GRM8: variants seen among roughly 807,000 people sequenced by gnomAD.
GRM8 encodes metabotropic glutamate receptor 8.
In GRM8, 47 loss-of-function variants were observed where a neutral mutation model predicts 87.2. The observed-to-expected ratio is 0.54, with a 90% CI of 0.43 to 0.69. GRM8 has a LOEUF of 0.69. GRM8 is among the 30% of genes least tolerant of loss of function. The probability of loss-of-function intolerance (pLI) is 0.00; values close to 1 mark genes in which losing one functional copy is unlikely to be tolerated. For missense variants in GRM8, 1,019 were observed against 1,139.2 expected (o/e 0.89, Z 1.52); for synonymous variants, 396 against 404.5 (o/e 0.98, Z 0.25).
chr7:126,804,982 C>T (rs1361746731), intron 6 of GRM8, among the ~76,000 whole-genome samples: 1 of 152,306 alleles, frequency 6.6e-6, no homozygotes, highest in African/African-American at 2.4e-5. Flanking sequence ...GGTCCTCTTA[C>T]CACTCAATAT....
rs191352805 is a variant in GRM8, at chr7:127,032,225, A to G, written c.727+74271T>C. Among the ~76,000 whole-genome samples the G allele has an allele frequency of 1.8e-3, 277 of 152,234 alleles. 3 individuals carry two copies. The highest frequency in any genetic ancestry group is 2.4e-3 in the Non-Finnish European group (163 of 68,002). On this transcript the variant is annotated intron_variant, in intron 3 of 10. Coordinates refer to ENST00000339582, the MANE Select transcript of GRM8 (RefSeq NM_000845.3). ...TGTTCTCTTTGTGAGGCCCAGTGAC[A>G]CCACTGTGCTCATCCCAGGAACTTA...
At chr7:126,448,960 AAAT>A in intron 9 of GRM8, among the ~76,000 whole-genome samples, 1 of 151,950 alleles carries the variant, frequency 6.6e-6, no homozygotes, top group South Asian at 2.1e-4. Context: ...TGGGTGATAA[AAAT>A]AATCTGTACA....
At chr7:127,216,520 A>AAAAAAC (rs1796552930) in intron 2 of GRM8, among the ~76,000 whole-genome samples, 1 of 147,446 alleles carries the variant, frequency 6.8e-6, no homozygotes, top group Non-Finnish European at 1.5e-5. Flanking sequence ...TCCGTCTCAA[A>AAAAAAC]AAAAAAAAAA....
intron 6 of GRM8, chr7:126,870,569 G>A (rs1224360082): frequency 1.3e-5 from 2 of 152,046 alleles, no homozygotes; most frequent in East Asian, 1.9e-4. Context: ...CAATATTATT[G>A]TGGCTCAGGG....
intron 2 of GRM8, among the ~76,000 whole-genome samples, chr7:127,164,594 C>T (rs1296330921): frequency 1.3e-5 from 2 of 152,160 alleles, no homozygotes; most frequent in East Asian, 3.9e-4. Flanking sequence ...CTGGCCTTCA[C>T]ACACACAGAC....
rs2116373910 is a variant in GRM8 at position 127,177,015 on chromosome 7, G to A, written c.510+65680C>T. 1.3e-5 allele frequency among the ~76,000 whole-genome samples: 2 copies of A among 152,260 alleles called. 1 individual carries two copies. Among genetic ancestry groups the A allele is most frequent in the East Asian group, 3.9e-4 (2 of 5,166 alleles). ...GGAAGCCTCCTGCTCAGAAGTCACG[G>A]GAGGGTGCAAATCTGGTGTGCAGAC... On this transcript the variant is annotated intron_variant, in intron 2 of 10. Transcript: ENST00000339582.
chr7:126,517,452 C>T (rs1184864278), intron 9 of GRM8, among the ~76,000 whole-genome samples: 2 of 152,048 alleles, frequency 1.3e-5, no homozygotes, highest in African/African-American at 2.4e-5. Flanking sequence ...ATATATGCCA[C>T]GTCACTTAGT....
At chr7:126,933,731 A>C (rs1229111513) in intron 3 of GRM8, among the ~76,000 whole-genome samples, 1 of 152,238 alleles carries the variant, frequency 6.6e-6, no homozygotes, top group Non-Finnish European at 1.5e-5. Context: ...ATTAACAACC[A>C]GTACATGTAA....
At chr7:126,929,974 T>C (rs1464170542) in intron 3 of GRM8, among the ~76,000 whole-genome samples, 3 of 151,984 alleles carry the variant, frequency 2.0e-5, no homozygotes, top group Non-Finnish European at 4.4e-5. Context: ...CAATTTATAC[T>C]ATACTTTCAT....
chr7:127,169,282 G>GTGGAC (rs1793644474), intron 2 of GRM8, among the ~76,000 whole-genome samples: 1 of 152,188 alleles, frequency 6.6e-6, no homozygotes, highest in Non-Finnish European at 1.5e-5. Context: ...GAAGGTTAGA[G>GTGGAC]TGGACTGGAC....
At chr7:126,592,132 TA>T (rs1375587351) in intron 8 of GRM8, among the ~76,000 whole-genome samples, 1 of 110,528 alleles carries the variant, frequency 9.0e-6, no homozygotes, top group Non-Finnish European at 1.9e-5. Context: ...ATTGAATCAA[TA>T]ATATAAAGTC....
At position 126,766,595 on chromosome 7, in the gene GRM8, C is replaced by T. The variant is rs537209606; in HGVS notation, c.1357+3270G>A. ...CCACACTGTACAAACTTGGCAGTTG[C>T]CTTATAAAGCTCATTCTTTGACAAC... On this transcript the variant is annotated intron_variant, in intron 7 of 10. Coordinates refer to ENST00000339582, the MANE Select transcript of GRM8 (RefSeq NM_000845.3). Among the ~76,000 whole-genome samples, 69 of 152,076 alleles carry T rather than the reference C, an allele frequency of 4.5e-4. 1 individual carries two copies. Among genetic ancestry groups the T allele is most frequent in the South Asian group, 2.1e-3 (10 of 4,820 alleles).
At chr7:126,739,559 T>C (rs1052987622) in intron 7 of GRM8, among the ~76,000 whole-genome samples, 3 of 152,086 alleles carry the variant, frequency 2.0e-5, no homozygotes, top group African/African-American at 7.2e-5. Flanking sequence ...AGCAGTGTTT[T>C]ATATCACTTC....
rs545963525 is a variant in GRM8 at position 127,137,487 on chromosome 7, T to C, written c.511-30775A>G. ...TAAACTGCTACTTATATTTGGTAATTGCAGTTGGCTCCTCCTGTATGTGAA... is the reference window on the plus strand; with the variant it reads ...TAAACTGCTACTTATATTTGGTAATCGCAGTTGGCTCCTCCTGTATGTGAA... On this transcript the variant is annotated intron_variant, in intron 2 of 10. Transcript: ENST00000339582. Among the ~76,000 whole-genome samples, 98 of 152,250 alleles carry C rather than the reference T, an allele frequency of 6.4e-4. 2 individuals carry two copies. Among genetic ancestry groups the C allele is most frequent in the African/African-American group, 2.3e-3 (97 of 41,516 alleles).
intron 7 of GRM8, among the ~76,000 whole-genome samples, chr7:126,635,689 G>C (rs945317875): frequency 6.6e-6 from 1 of 151,916 alleles, no homozygotes; most frequent in Non-Finnish European, 1.5e-5. Context: ...GCATCAGTAG[G>C]CAAAATTCCC....
chr7:127,252,404 TG>T lies in GRM8; in HGVS notation c.-312+392del, dbSNP rs1185300136. The T allele has an allele frequency of 6.6e-6, 1 of 152,070 alleles. No homozygotes were observed. The highest frequency in any genetic ancestry group is 1.5e-5 in the Non-Finnish European group (1 of 68,044). The allele number at this position is 152,070 out of a possible 1,614,324, so 9.4% of individuals were successfully genotyped here. ...TGTAATCATGGGCAGACAAGAGGGGTGGCTGCCTTGTTCTTTGCAACGTAAA... is the reference window on the plus strand; with the variant it reads ...TGTAATCATGGGCAGACAAGAGGGGTGCTGCCTTGTTCTTTGCAACGTAAA... On this transcript the variant is annotated intron_variant, in intron 1 of 10. Transcript: ENST00000339582. This position sits in a 1 kb window ranked among gnomAD's most constrained non-coding sequence, Gnocchi z 4.9.
chr7:127,076,016 T>C, intron 3 of GRM8: 1 of 380,074 alleles, frequency 2.6e-6, no homozygotes, highest in Non-Finnish European at 5.2e-6. Flanking sequence ...ATATTAGGCT[T>C]TACAATTGTT....
chr7:126,524,833 C>T (rs573745814), intron 9 of GRM8, among the ~76,000 whole-genome samples: 1 of 152,192 alleles, frequency 6.6e-6, no homozygotes, highest in Admixed American at 6.5e-5. Context: ...TGCTTATTCC[C>T]TGACTGATAT....
chr7:126,897,565 A>G (rs1433015232), intron 6 of GRM8, among the ~76,000 whole-genome samples: 1 of 151,758 alleles, frequency 6.6e-6, no homozygotes, highest in Non-Finnish European at 1.5e-5. Flanking sequence ...TGAGAGTACA[A>G]TGAGGGAGGG....
Sources: allele counts gnomAD v4.1 joint callset (sites outside exome capture counted in the v4.1 genomes callset), GRCh38; gene constraint gnomAD v4.1.1; non-coding constraint Gnocchi (gnomAD v3.1); transcripts MANE v1.5; gene names NCBI Gene and HGNC (gene_info 2026-07-23, HGNC 2026-07-21).